SPTAN1: variants seen among roughly 807,000 people sequenced by gnomAD.
The protein encoded by SPTAN1 is spectrin alpha chain, non-erythrocytic 1.
Under a neutral mutation model 331.3 loss-of-function variants are expected in SPTAN1, and 61 were observed. That is an observed-to-expected ratio of 0.18 (90% confidence interval 0.15 to 0.23). The LOEUF is 0.23. Ranked by LOEUF, SPTAN1 falls within the 10% of genes least tolerant of loss-of-function variation. The pLI, the probability that SPTAN1 is intolerant of heterozygous loss-of-function variation, is 1.00. For missense variants in SPTAN1, 2,043 were observed against 3,147.9 expected (o/e 0.65, Z 8.40); for synonymous variants, 1,153 against 1,173.9 (o/e 0.98, Z 0.36).
chr9:128,593,893 T>A, intron 23 of SPTAN1: 1 of 436,726 alleles, frequency 2.3e-6, no homozygotes, highest in Non-Finnish European at 4.3e-6. Flanking sequence ...CAGTCCCTTG[T>A]GGTTGTGTTG....
At chr9:128,630,564 C>G in intron 52 of SPTAN1, 189 bp downstream of exon 52, 2 of 597,468 alleles carry the variant, frequency 3.3e-6, no homozygotes, top group South Asian at 1.9e-5. Context: ...TGGAATCTCT[C>G]TCTCGCCCAG....
At chr9:128,600,021 C>G in intron 26 of SPTAN1, 59 bp from the exon 27 acceptor site, 1 of 1,577,514 alleles carries the variant, frequency 6.3e-7, no homozygotes, top group South Asian at 1.1e-5. Context: ...CTGGAAAGGC[C>G]AGGTGCTTTG....
In SPTAN1 at chr9:128,584,286, G is replaced by A. The variant is rs1377987447; in HGVS notation, c.2198G>A (p.Arg733Gln). 3.1e-6 allele frequency: 5 copies of A among 1,614,130 alleles called. No individual in the cohort carries two copies. Among genetic ancestry groups the A allele is most frequent in the Non-Finnish European group, 4.2e-6 (5 of 1,180,034 alleles). ...LEADVAAHQD[R>Q]IDGITIQARQ... ...TCTGTCCTTTTGCATTCCCAGGACC[G>A]AATTGATGGCATCACCATTCAGGCC... The change falls in exon 17 of 57, where the codon CGA (arginine) becomes CAA (glutamine). Residue 733 changes from arginine (R) to glutamine (Q), a missense_variant. Transcript: ENST00000372739.
intron 1 of SPTAN1, among the ~76,000 whole-genome samples, chr9:128,561,582 G>A (rs1376647198): frequency 7.0e-6 from 1 of 143,572 alleles, no homozygotes; most frequent in African/African-American, 2.6e-5. Context: ...AGAATGGCAT[G>A]AACCGGGGAG....
At chr9:128,560,233 G>A (rs372185670) in intron 1 of SPTAN1, among the ~76,000 whole-genome samples, 86 of 151,948 alleles carry the variant, frequency 5.7e-4, no homozygotes, top group South Asian at 3.7e-3. Context: ...ACAGGCGCAC[G>A]CCGCCACACC....
intron 1 of SPTAN1, among the ~76,000 whole-genome samples, chr9:128,556,082 G>T (rs992109393): frequency 2.0e-5 from 3 of 152,000 alleles, no homozygotes; most frequent in African/African-American, 7.3e-5. Flanking sequence ...TTAGCCGGGT[G>T]TTGTGGTGGG....
chr9:128,576,405 A>G (rs1228522630), intron 5 of SPTAN1, among the ~76,000 whole-genome samples: 1 of 152,192 alleles, frequency 6.6e-6, no homozygotes, highest in Non-Finnish European at 1.5e-5. Flanking sequence ...GTCTAAAGCC[A>G]GGGACAAACT....
In SPTAN1 at chr9:128,627,708, C is replaced by A; in HGVS notation, c.6689+210C>A. ...TCTCAGTGCTGCATGTCCCAGACATCAAGTTGTTAGAGATCCCGGATTGAG... is the reference window on the plus strand; with the variant it reads ...TCTCAGTGCTGCATGTCCCAGACATAAAGTTGTTAGAGATCCCGGATTGAG... On this transcript the variant is annotated intron_variant, in intron 50 of 56. Coordinates refer to ENST00000372739, the MANE Select transcript of SPTAN1 (RefSeq NM_001130438.3). This position sits in a 1 kb window ranked among gnomAD's most constrained non-coding sequence, Gnocchi z 4.9. 1 of 791,256 alleles carries A rather than the reference C, an allele frequency of 1.3e-6. No homozygotes were observed. The highest frequency in any genetic ancestry group is 1.5e-5 in the South Asian group (1 of 66,812). The allele number at this position is 791,256 out of a possible 1,614,324, so 49.0% of individuals were successfully genotyped here.
In SPTAN1 at chr9:128,574,726, C is replaced by A. The variant is rs1851109762; in HGVS notation, c.415C>A (p.Arg139=). ...GTGGGAATTACTTTTGGAGAAGATG[C>A]GAGAAAAAGGAATCAAACTGCTGCA... The part of the protein sequence containing the change: ...RQWELLLEKM[R]EKGIKLLQAQ... Residue 139 remains arginine, a synonymous_variant, in exon 4 of 57, where the codon CGA becomes AGA. Transcript: ENST00000372739. 1 of 1,614,030 alleles carries A rather than the reference C, an allele frequency of 6.2e-7. No homozygotes were observed. Among genetic ancestry groups the A allele is most frequent in the Non-Finnish European group, 8.5e-7 (1 of 1,180,010 alleles).
intron 5 of SPTAN1, among the ~76,000 whole-genome samples, chr9:128,576,128 C>G (rs1274580763): frequency 2.6e-5 from 4 of 152,150 alleles, no homozygotes; most frequent in Non-Finnish European, 5.9e-5. Context: ...GAAAAGTAGT[C>G]AGGCCAAACC....
In SPTAN1 at chr9:128,594,247, G is replaced by T; in HGVS notation, c.3288G>T (p.Leu1096Phe). ...MLEKSCKKFMLFREANELQQW... is the reference protein window; with the variant it reads ...MLEKSCKKFMFFREANELQQW... ...AGAAGAGTTGCAAGAAGTTTATGTT[G>T]TTCCGTGAAGCGAATGAACTACAGC... Residue 1096 changes from leucine to phenylalanine, a missense_variant, in exon 24 of 57, where the codon TTG becomes TTT. Physicochemically the swap from Leu to Phe is conservative, Grantham distance 22. Transcript: ENST00000372739. 6.2e-7 allele frequency: 1 copy of T among 1,614,080 alleles called. No individual in the cohort carries two copies. Among genetic ancestry groups the T allele is most frequent in the Non-Finnish European group, 8.5e-7 (1 of 1,180,024 alleles).
At chr9:128,594,428 GA>G in intron 24 of SPTAN1, 55 bp downstream of exon 24, 4 of 600,824 alleles carry the variant, frequency 6.7e-6, no homozygotes, top group Non-Finnish European at 1.0e-5. Flanking sequence ...TGAGTCTCTT[GA>G]TTTTTTTTTT....
In SPTAN1 at chr9:128,584,436, C is replaced by G. The variant is rs868382326; in HGVS notation, c.2348C>G (p.Ser783Cys). 1 of 1,614,174 alleles carries G rather than the reference C, an allele frequency of 6.2e-7. No homozygotes were observed. The highest frequency in any genetic ancestry group is 8.5e-7 in the Non-Finnish European group (1 of 1,180,042). ...GCCCGGAAGCAGAAGCTGGCCGATT[C>G]TCTGCGGTTGCAGCAGCTCTTCCGG... ...MVARKQKLAD[S>C]LRLQQLFRDV... The change falls in exon 17 of 57, where the codon TCT becomes TGT. Residue 783 changes from serine to cysteine, a missense_variant. By Grantham distance (112) the Ser-to-Cys change is moderately radical. This residue lies in a region of SPTAN1 where 1,038 missense variants were observed against 1,531.5 expected (regional missense o/e 0.68). Coordinates refer to ENST00000372739, the MANE Select transcript of SPTAN1 (RefSeq NM_001130438.3).
chr9:128,561,361 A>G (rs536409153), intron 1 of SPTAN1, among the ~76,000 whole-genome samples: 4 of 120,480 alleles, frequency 3.3e-5, no homozygotes, highest in African/African-American at 1.3e-4. Flanking sequence ...ACAGAGCAAG[A>G]CTCCATCTCA....
chr9:128,633,644 AATG>A lies in SPTAN1; in HGVS notation c.*315_*317del, dbSNP rs563573561. The A allele has an allele frequency of 2.2e-6, 3 of 1,386,164 alleles. No individual in the cohort carries two copies. The highest frequency in any genetic ancestry group is 3.0e-6 in the Non-Finnish European group (3 of 1,013,406). The allele number at this position is 1,386,164 out of a possible 1,614,324, so 85.9% of individuals were successfully genotyped here. On this transcript the variant is annotated 3_prime_UTR_variant, in exon 57 of 57. Coordinates refer to ENST00000372739, the MANE Select transcript of SPTAN1 (RefSeq NM_001130438.3). ...TCTGTTTTCATGTAAAAGACAAATA[AATG>A]ATGACTTCCCCCAAAGCTTTGCTTT...
Position 128,621,230 on chromosome 9 carries a change from A to G in SPTAN1, c.5806A>G (p.Thr1936Ala), listed in dbSNP as rs1857810076. The G allele has an allele frequency of 1.2e-6, 2 of 1,613,886 alleles. No individual in the cohort carries two copies. Among genetic ancestry groups the G allele is most frequent in the East Asian group, 4.5e-5 (2 of 44,884 alleles). ...CAAGGATCGCGTGAATGATGTCTGCACCAATGGACAAGACCTCATTAAGAA... is the reference window on the plus strand; with the variant it reads ...CAAGGATCGCGTGAATGATGTCTGCGCCAATGGACAAGACCTCATTAAGAA... ...VHKDRVNDVCTNGQDLIKKNN... is the reference protein window; with the variant it reads ...VHKDRVNDVCANGQDLIKKNN... The change falls in exon 45 of 57, where the codon ACC (threonine) becomes GCC (alanine). Residue 1936 changes from threonine to alanine, a missense_variant. Coordinates refer to ENST00000372739, the MANE Select transcript of SPTAN1 (RefSeq NM_001130438.3).
intron 3 of SPTAN1, among the ~76,000 whole-genome samples, chr9:128,571,517 G>A (rs1311184140): frequency 2.0e-5 from 3 of 152,152 alleles, no homozygotes; most frequent in Non-Finnish European, 2.9e-5. Flanking sequence ...CTCAGGAGGC[G>A]GAGGTTGAAG....
At chr9:128,632,774 T>C in intron 55 of SPTAN1, 34 bp from the exon 56 acceptor site, 2 of 1,613,998 alleles carry the variant, frequency 1.2e-6, no homozygotes, top group Non-Finnish European at 1.7e-6. Flanking sequence ...CCACCTGCCC[T>C]CCCTGCTCAG....
chr9:128,585,766 A>C lies in SPTAN1; in HGVS notation c.2579A>C (p.Asp860Ala). The change falls in exon 19 of 57, where the codon GAT becomes GCT. Residue 860 changes from aspartate to alanine, a missense_variant. By Grantham distance (126) the Asp-to-Ala change is moderately radical. Transcript: ENST00000372739. ...MVEEGHFAAE[D>A]VKAKLHELNQ... ...CTTCCAGGCCATTTTGCTGCAGAGGATGTGAAGGCCAAGCTTCACGAGCTG... is the reference window on the plus strand; with the variant it reads ...CTTCCAGGCCATTTTGCTGCAGAGGCTGTGAAGGCCAAGCTTCACGAGCTG... 1 of 1,614,174 alleles carries C rather than the reference A, an allele frequency of 6.2e-7. No homozygotes were observed. Among genetic ancestry groups the C allele is most frequent in the Non-Finnish European group, 8.5e-7 (1 of 1,180,034 alleles).
Sources: allele counts gnomAD v4.1 joint callset (sites outside exome capture counted in the v4.1 genomes callset), GRCh38; gene constraint gnomAD v4.1.1; regional missense constraint gnomAD v4.1.1; non-coding constraint Gnocchi (gnomAD v3.1); transcripts MANE v1.5; gene names NCBI Gene and HGNC (gene_info 2026-07-23, HGNC 2026-07-21).